NPHP1: variants seen among roughly 807,000 people sequenced by gnomAD.
NPHP1 encodes nephrocystin-1.
Under a neutral mutation model 90.4 loss-of-function variants are expected in NPHP1, and 70 were observed. The ratio of observed to expected loss-of-function variants is 0.77; its 90% CI spans 0.64 to 0.95. NPHP1 has a LOEUF of 0.95. NPHP1 is among the 40% of genes least tolerant of loss of function. NPHP1 has a pLI of 0.00. For missense variants in NPHP1, 764 were observed against 795.9 expected, an observed-to-expected ratio of 0.96 and a Z score of 0.48; for synonymous variants, 256 against 271.7, an observed-to-expected ratio of 0.94 and a Z score of 0.57.
rs746921239 is a variant in NPHP1 at position 110,205,012 on chromosome 2, C to A, written c.-44G>T. The A allele has an allele frequency of 9.3e-6, 15 of 1,606,056 alleles. No homozygotes were observed. Among genetic ancestry groups the A allele is most frequent in the African/African-American group, 4.0e-5 (3 of 74,774 alleles). ...CTGATTGCTCCAGTTGCCAGGGAAA[C>A]CAACCGGCGGCGCCAGAAGGTGACG... is the stretch of plus-strand genomic sequence containing the variant. On this transcript the variant is annotated 5_prime_UTR_variant, in exon 1 of 20. Coordinates refer to ENST00000445609, the MANE Select transcript of NPHP1 (RefSeq NM_001128178.3).
chr2:110,164,711 C>T lies in NPHP1; in HGVS notation c.748G>A (p.Ala250Thr). The change falls in exon 8 of 20, where the codon GCT becomes ACT. Residue 250 changes from alanine (A) to threonine (T), a missense_variant. Physicochemically the swap from Ala to Thr is moderately conservative, Grantham distance 58 (BLOSUM62 0). Transcript: ENST00000445609. ...VKQRTDPHWSAVQKAISEQIN... is the reference protein window; with the variant it reads ...VKQRTDPHWSTVQKAISEQIN... Reference sequence around the variant, plus strand: ...GCCTCTGAAATCGCTTTCTGAACAGCACTCCAGTGGGGATCAGTTCTGGGG... The same window carrying T: ...GCCTCTGAAATCGCTTTCTGAACAGTACTCCAGTGGGGATCAGTTCTGGGG... 1 of 1,613,962 alleles carries T rather than the reference C, an allele frequency of 6.2e-7. No homozygotes were observed. The highest frequency in any genetic ancestry group is 8.5e-7 in the Non-Finnish European group (1 of 1,179,886).
chr2:110,134,734 C>T (rs577422820), intron 16 of NPHP1, among the ~76,000 whole-genome samples: 3 of 152,044 alleles, frequency 2.0e-5, no homozygotes, highest in Non-Finnish European at 2.9e-5. Context: ...AGGGGAAAAA[C>T]CCACATTATT....
intron 4 of NPHP1, among the ~76,000 whole-genome samples, chr2:110,176,873 C>T (rs1308754278): frequency 6.6e-5 from 10 of 152,330 alleles, no homozygotes; most frequent in Admixed American, 2.6e-4. Context: ...CCAGCAGGTA[C>T]TTTCTGCCAG....
At chr2:110,194,310 A>C (rs1684982310) in intron 2 of NPHP1, among the ~76,000 whole-genome samples, 1 of 152,156 alleles carries the variant, frequency 6.6e-6, no homozygotes, top group African/African-American at 2.4e-5. Flanking sequence ...TGCAATAAAA[A>C]ATGATAAAGG....
At chr2:110,150,094 G>T in intron 12 of NPHP1, 88 bp downstream of exon 12, 1 of 1,026,924 alleles carries the variant, frequency 9.7e-7, no homozygotes, top group Non-Finnish European at 1.5e-6. Context: ...ATTTATATCT[G>T]TTCCCACATA....
At position 110,131,777 on chromosome 2, in the gene NPHP1, G is replaced by A; in HGVS notation, c.1544C>T (p.Thr515Ile). Residue 515 changes from threonine (T) to isoleucine (I), a missense_variant, in exon 17 of 20, where the codon ACA becomes ATA. Physicochemically the swap from Thr to Ile is moderately conservative, Grantham distance 89. Coordinates refer to ENST00000445609, the MANE Select transcript of NPHP1 (RefSeq NM_001128178.3). ...AATAGAACACATATTTCCAATTAAT[G>A]TTTCTGGCAGTAGACTATTAAAGAA... ...SRNVLSLLPETLIGNMCSIHL... is the reference protein window; with the variant it reads ...SRNVLSLLPEILIGNMCSIHL... The A allele has an allele frequency of 6.3e-7, 1 of 1,597,848 alleles. No homozygotes were observed. The highest frequency in any genetic ancestry group is 1.1e-5 in the South Asian group (1 of 90,618).
intron 16 of NPHP1, among the ~76,000 whole-genome samples, chr2:110,138,090 C>T (rs887019555): frequency 2.6e-5 from 4 of 151,804 alleles, no homozygotes; most frequent in Non-Finnish European, 4.4e-5. Context: ...AACCAAACAC[C>T]GCATGTTCTC....
Position 110,144,097 on chromosome 2 carries a change from G to C in NPHP1, c.1429+396C>G, listed in dbSNP as rs1051728229. 26 of 321,072 alleles carry C rather than the reference G, an allele frequency of 8.1e-5. 1 individual carries two copies. The highest frequency in any genetic ancestry group is 7.7e-4 in the South Asian group (25 of 32,404). The allele number at this position is 321,072 out of a possible 1,614,324, so 19.9% of individuals were successfully genotyped here. A position where few individuals can be genotyped will look rare whatever the true frequency, so the allele number is the denominator to read the frequency against. On this transcript the variant is annotated intron_variant, in intron 15 of 19. Transcript: ENST00000445609. ...TTGCTCTTCATTCTCCCATTATCTA[G>C]CACAGTGCCTGGTTAATGAACATAG...
At chr2:110,151,499 T>C (rs1681470080) in intron 11 of NPHP1, among the ~76,000 whole-genome samples, 1 of 152,152 alleles carries the variant, frequency 6.6e-6, no homozygotes, top group African/African-American at 2.4e-5. Context: ...TATTTTATTA[T>C]AACACTTCCA....
At chr2:110,163,321 A>T (rs1411507189) in intron 8 of NPHP1, 186 bp from the exon 9 acceptor site, 1 of 603,950 alleles carries the variant, frequency 1.7e-6, no homozygotes, top group Non-Finnish European at 3.0e-6. Flanking sequence ...GGCCTCTCCT[A>T]AGGACCTAAG....
chr2:110,149,329 A>G (rs13423556), intron 12 of NPHP1, among the ~76,000 whole-genome samples: 47,761 of 152,074 alleles, frequency 0.31, 8,132 homozygotes, highest in East Asian at 0.58. Context: ...AAAACATTAA[A>G]AAATTCTACC....
At chr2:110,203,927 C>A (rs746222225) in intron 1 of NPHP1, among the ~76,000 whole-genome samples, 1 of 151,678 alleles carries the variant, frequency 6.6e-6, no homozygotes, top group African/African-American at 2.4e-5. Flanking sequence ...AGCCACCACA[C>A]CTGGCCTAAA....
chr2:110,178,202 A>C (rs1683640098), intron 4 of NPHP1: 2 of 541,592 alleles, frequency 3.7e-6, no homozygotes, highest in African/African-American at 3.8e-5. Context: ...TGTTTCAACT[A>C]AATTATAAAT....
At chr2:110,196,253 C>T (rs1386059694) in intron 2 of NPHP1, among the ~76,000 whole-genome samples, 1 of 150,602 alleles carries the variant, frequency 6.6e-6, no homozygotes, top group Non-Finnish European at 1.5e-5. Flanking sequence ...GCAATCTACT[C>T]ATCTGACAAA....
chr2:110,201,218 T>C (rs1685556489), intron 2 of NPHP1, among the ~76,000 whole-genome samples: 1 of 152,166 alleles, frequency 6.6e-6, no homozygotes, highest in Admixed American at 6.5e-5. Context: ...GTCACCTATG[T>C]TTACATTAAG....
chr2:110,138,565 G>C (rs1680389344), intron 16 of NPHP1, among the ~76,000 whole-genome samples: 2 of 152,186 alleles, frequency 1.3e-5, no homozygotes, highest in South Asian at 4.2e-4. Context: ...AGCTGCCTCA[G>C]TGTCACCACA....
intron 4 of NPHP1, among the ~76,000 whole-genome samples, chr2:110,177,550 G>C (rs955721670): frequency 6.6e-6 from 1 of 152,040 alleles, no homozygotes; most frequent in Non-Finnish European, 1.5e-5. Flanking sequence ...TAGATTTCCA[G>C]ATTAGGGATG....
rs201077898 is a variant in NPHP1, at chr2:110,123,892, C to T, written c.1933G>A (p.Ala645Thr). The change falls in exon 20 of 20, where the codon GCC (alanine) becomes ACC (threonine). Residue 645 changes from alanine (A) to threonine (T), a missense_variant. By Grantham distance (58) the Ala-to-Thr change is moderately conservative. Coordinates refer to ENST00000445609, the MANE Select transcript of NPHP1 (RefSeq NM_001128178.3). ...FLKQNQENQG[A>T]LQALLSPDGV... ...TCTGGTGACAGCAGAGCTTGGAGGG[C>T]GCCCTGGTTTTCTTGGTTTTGCTTA... 1.1e-5 allele frequency: 17 copies of T among 1,613,998 alleles called. No homozygotes were observed. The highest frequency in any genetic ancestry group is 5.5e-5 in the South Asian group (5 of 91,072).
chr2:110,168,655 C>A (rs1415873349), intron 5 of NPHP1, 102 bp from the exon 6 acceptor site: 24 of 802,862 alleles, frequency 3.0e-5, no homozygotes, highest in Non-Finnish European at 4.2e-5. Flanking sequence ...AAGGCAAAAT[C>A]TTTTTTTAAT....
Sources: gnomAD v4.1 joint callset for allele counts (sites outside exome capture counted in the v4.1 genomes callset) on GRCh38, gnomAD v4.1.1 for gene constraint, MANE v1.5 for transcripts, NCBI Gene and HGNC (gene_info 2026-07-23, HGNC 2026-07-21) for gene names.